Variants in COL25A1 observed in about 807,000 individuals in gnomAD.
The protein encoded by COL25A1 is collagen alpha-1(XXV) chain.
In COL25A1, 103 loss-of-function variants were observed where a neutral mutation model predicts 128.4. That is an observed-to-expected ratio of 0.80 (90% confidence interval 0.68 to 0.94). COL25A1 has a LOEUF of 0.94. COL25A1 is among the 40% of genes least tolerant of loss of function. COL25A1 has a pLI of 0.00. For missense variants in COL25A1, 745 were observed against 840.0 expected (o/e 0.89, Z 1.40); for synonymous variants, 279 against 277.2 (o/e 1.01, Z -0.06).
intron 11 of COL25A1, among the ~76,000 whole-genome samples, chr4:108,922,961 G>A (rs184685412): frequency 4.5e-4 from 68 of 152,194 alleles, no homozygotes; most frequent in African/African-American, 1.5e-3. Flanking sequence ...TCCATTACTC[G>A]GGGAGGGATA....
At chr4:108,899,037 A>G (rs1236690792) in intron 15 of COL25A1, 117 bp downstream of exon 15, 14 of 843,344 alleles carry the variant, frequency 1.7e-5, no homozygotes, top group Non-Finnish European at 2.3e-5. Flanking sequence ...CTATTAATCT[A>G]CCCACCCACC....
chr4:109,071,384 T>C (rs1341647266), intron 3 of COL25A1, among the ~76,000 whole-genome samples: 1 of 152,108 alleles, frequency 6.6e-6, no homozygotes, highest in East Asian at 1.9e-4. Context: ...GACATAGGCA[T>C]GGGCAAGGAC....
chr4:108,906,647 C>G (rs4956223), intron 13 of COL25A1, among the ~76,000 whole-genome samples: 103,866 of 151,874 alleles, frequency 0.68, 36,785 homozygotes, highest in East Asian at 0.93. Flanking sequence ...ATGGTACGTA[C>G]TCACATTAGA....
intron 3 of COL25A1, among the ~76,000 whole-genome samples, chr4:109,218,357 G>GTTTTTTTTTTGTTTTTTTTTT (rs1553961829): frequency 1.4e-5 from 1 of 73,530 alleles, no homozygotes; most frequent in African/African-American, 5.6e-5. Flanking sequence ...GTTTTTTGGG[G>GTTTTTTTTTTGTTTTTTTTTT]TTTTTTTTTT....
intron 3 of COL25A1, among the ~76,000 whole-genome samples, chr4:109,179,054 G>A (rs560530653): frequency 6.6e-6 from 1 of 151,478 alleles, no homozygotes; most frequent in South Asian, 2.1e-4. Flanking sequence ...AAAAAAAAAA[G>A]TTGTCCTAAA....
chr4:108,928,967 G>A (rs568267528), intron 11 of COL25A1, among the ~76,000 whole-genome samples: 10 of 152,282 alleles, frequency 6.6e-5, no homozygotes, highest in South Asian at 6.2e-4. Context: ...TGGTTCTGCC[G>A]TTAACTATTT....
At chr4:109,301,660 T>C (rs576545693) in intron 2 of COL25A1, 63 bp downstream of exon 2, 3 of 1,552,620 alleles carry the variant, frequency 1.9e-6, no homozygotes, top group East Asian at 4.5e-5. Flanking sequence ...CGGCTAGTCA[T>C]GCACACAGAG....
intron 5 of COL25A1, among the ~76,000 whole-genome samples, chr4:109,046,098 A>C (rs1416842090): frequency 2.0e-5 from 3 of 152,190 alleles, no homozygotes; most frequent in African/African-American, 7.2e-5. Flanking sequence ...TCAACTTTGC[A>C]AATCCTCTAG....
chr4:109,068,617 T>C (rs545234504), intron 3 of COL25A1, among the ~76,000 whole-genome samples: 1 of 152,294 alleles, frequency 6.6e-6, no homozygotes, highest in East Asian at 1.9e-4. Flanking sequence ...CATGGCCAAA[T>C]GAAAAGATAA....
intron 3 of COL25A1, among the ~76,000 whole-genome samples, chr4:109,228,257 A>C (rs568694024): frequency 6.6e-6 from 1 of 152,278 alleles, no homozygotes; most frequent in South Asian, 2.1e-4. Context: ...CCAGGTTTCT[A>C]GGTACTCCTT....
At chr4:109,260,764 G>A (rs1183344587) in intron 3 of COL25A1, among the ~76,000 whole-genome samples, 1 of 152,060 alleles carries the variant, frequency 6.6e-6, no homozygotes, top group African/African-American at 2.4e-5. Flanking sequence ...CTAAAGTGCT[G>A]GGATTACAGG....
chr4:108,912,853 CTG>C (rs1744395892), intron 13 of COL25A1, among the ~76,000 whole-genome samples: 1 of 152,210 alleles, frequency 6.6e-6, no homozygotes, highest in African/African-American at 2.4e-5. Context: ...CAGTGAAGAA[CTG>C]TGTTATCCAT....
intron 3 of COL25A1, among the ~76,000 whole-genome samples, chr4:109,244,359 C>CA (rs796182263): frequency 2.6e-5 from 4 of 151,944 alleles, no homozygotes; most frequent in African/African-American, 9.7e-5. Flanking sequence ...CAGACTATAT[C>CA]AAAAAAAGTG....
At chr4:109,041,235 G>C (rs530815686) in intron 5 of COL25A1, among the ~76,000 whole-genome samples, 16 of 151,984 alleles carry the variant, frequency 1.1e-4, no homozygotes, top group Non-Finnish European at 1.6e-4. Flanking sequence ...CTAAAGATTT[G>C]AGAAATACTG....
At chr4:108,958,452 C>T (rs1309242452) in intron 8 of COL25A1, among the ~76,000 whole-genome samples, 2 of 151,830 alleles carry the variant, frequency 1.3e-5, no homozygotes, top group Non-Finnish European at 2.9e-5. Context: ...TGATATGATT[C>T]TAAATATCTA....
In COL25A1 at chr4:108,812,594, TA is replaced by T. The variant is rs1266308787; in HGVS notation, c.*1332del. On this transcript the variant is annotated 3_prime_UTR_variant, in exon 38 of 38. Transcript: ENST00000399132. ...AAATTATTATGATTTGAAGACTTCT[TA>T]AAAAAATTGTTCAAAACATATGTGA... 4.6e-5 allele frequency: 7 copies of T among 152,020 alleles called. No individual in the cohort carries two copies. Among genetic ancestry groups the T allele is most frequent in the African/African-American group, 9.7e-5 (4 of 41,408 alleles). 9.4% of individuals were successfully genotyped at this position (152,020 alleles called of 1,614,324 possible). A position where few individuals can be genotyped will look rare whatever the true frequency, so the allele number is the denominator to read the frequency against.
intron 3 of COL25A1, among the ~76,000 whole-genome samples, chr4:109,050,665 A>G (rs1760897880): frequency 6.6e-6 from 1 of 152,092 alleles, no homozygotes; most frequent in Admixed American, 6.6e-5. Flanking sequence ...TAGTAATGGA[A>G]AATAATCCTT....
At chr4:109,173,593 G>A (rs1445997510) in intron 3 of COL25A1, among the ~76,000 whole-genome samples, 3 of 151,698 alleles carry the variant, frequency 2.0e-5, no homozygotes, top group Admixed American at 6.6e-5. Context: ...CTTTTTCTAT[G>A]AGCCACCAAA....
At chr4:109,203,126 C>T (rs1776706086) in intron 3 of COL25A1, among the ~76,000 whole-genome samples, 1 of 152,066 alleles carries the variant, frequency 6.6e-6, no homozygotes, top group African/African-American at 2.4e-5. Flanking sequence ...AAAACCATAC[C>T]ATACTGAAAT....
Sources: gnomAD v4.1 joint callset for allele counts (sites outside exome capture counted in the v4.1 genomes callset) on GRCh38, gnomAD v4.1.1 for gene constraint, MANE v1.5 for transcripts, NCBI Gene and HGNC (gene_info 2026-07-23, HGNC 2026-07-21) for gene names.